The following GRM1 variants were observed in gnomAD, a reference collection of about 807,000 sequenced individuals.
The protein encoded by GRM1 is glutamate metabotropic receptor 1, also known as metabotropic glutamate receptor 1.
A neutral mutation model predicts 90.9 loss-of-function variants in GRM1; 33 were observed. That is an observed-to-expected ratio of 0.36 (90% confidence interval 0.28 to 0.49). The LOEUF (loss-of-function observed/expected upper bound fraction) is 0.49. Among genes scored for constraint, GRM1 ranks in the 20% least tolerant of loss-of-function variants. The probability of loss-of-function intolerance (pLI) is 0.99; values close to 1 mark genes in which losing one functional copy is unlikely to be tolerated. For missense variants in GRM1, 1,190 were observed against 1,534.3 expected (o/e 0.78, Z 3.75); for synonymous variants, 700 against 613.2 (o/e 1.14, Z -2.09).
chr6:146,382,535 A>G (rs888131086), intron 5 of GRM1, among the ~76,000 whole-genome samples: 4 of 152,104 alleles, frequency 2.6e-5, no homozygotes, highest in African/African-American at 9.7e-5. Context: ...AAGTAGTGAC[A>G]TGGAGGGTTT....
chr6:146,229,220 G>A (rs1780361872), intron 2 of GRM1, among the ~76,000 whole-genome samples: 1 of 151,646 alleles, frequency 6.6e-6, no homozygotes. Context: ...CCGACCTCAG[G>A]TGATCCGCCT....
chr6:146,155,627 G>A (rs1264208816), intron 1 of GRM1, among the ~76,000 whole-genome samples: 7 of 152,166 alleles, frequency 4.6e-5, no homozygotes, highest in Admixed American at 3.9e-4. Flanking sequence ...TTTCTTTCAT[G>A]ATATGACTGA....
At chr6:146,140,129 C>CTT (rs1562488191) in intron 1 of GRM1, among the ~76,000 whole-genome samples, 2 of 121,410 alleles carry the variant, frequency 1.6e-5, no homozygotes, top group Non-Finnish European at 3.5e-5. Flanking sequence ...TTCTTTCTTT[C>CTT]TTTCTTTCTT....
At chr6:146,421,343 C>G (rs919524243) in intron 7 of GRM1, among the ~76,000 whole-genome samples, 19 of 151,952 alleles carry the variant, frequency 1.3e-4, no homozygotes, top group African/African-American at 4.4e-4. Context: ...GAGTTATACT[C>G]TAGCTATACA....
At chr6:146,057,926 A>T (rs1376577031) in intron 1 of GRM1, among the ~76,000 whole-genome samples, 1 of 152,024 alleles carries the variant, frequency 6.6e-6, no homozygotes, top group Non-Finnish European at 1.5e-5. Flanking sequence ...TTACATGAGT[A>T]AATTATTTAG....
chr6:146,215,929 T>G (rs1366357267), intron 2 of GRM1, among the ~76,000 whole-genome samples: 1 of 152,132 alleles, frequency 6.6e-6, no homozygotes, highest in African/African-American at 2.4e-5. Context: ...GCTAATTTTT[T>G]TGTATTTTTA....
intron 1 of GRM1, among the ~76,000 whole-genome samples, chr6:146,035,386 G>A (rs989445564): frequency 7.9e-5 from 12 of 152,004 alleles, no homozygotes; most frequent in African/African-American, 2.7e-4. Context: ...TTGGTGAGTG[G>A]ACGAAAGAAA....
chr6:146,130,092 T>C (rs1400105651), intron 1 of GRM1, among the ~76,000 whole-genome samples: 2 of 152,084 alleles, frequency 1.3e-5, no homozygotes, highest in Non-Finnish European at 2.9e-5. Context: ...ATTAGTGTAA[T>C]TGGAAGTCAT....
chr6:146,420,035 C>T lies in GRM1; in HGVS notation c.2661-13837C>T, dbSNP rs73785362. ...GAAATGAAAGGCCAGAGAGGCTTCA[C>T]CACAGGTCCAGCTTCTCCCTCAACA... On this transcript the variant is annotated intron_variant, in intron 7 of 7. Coordinates refer to ENST00000282753, the MANE Select transcript of GRM1 (RefSeq NM_001278064.2). Among the ~76,000 whole-genome samples the T allele has an allele frequency of 2.4e-3, 361 of 152,302 alleles. 2 individuals carry two copies. Among genetic ancestry groups the T allele is most frequent in the African/African-American group, 8.0e-3 (331 of 41,568 alleles).
chr6:146,380,265 T>G (rs191600144), intron 5 of GRM1, among the ~76,000 whole-genome samples: 1 of 152,180 alleles, frequency 6.6e-6, no homozygotes, highest in Non-Finnish European at 1.5e-5. Context: ...GTCAAAAAAC[T>G]TAGAAGTCTG....
chr6:146,118,360 G>A (rs1403644365), intron 1 of GRM1, among the ~76,000 whole-genome samples: 1 of 151,920 alleles, frequency 6.6e-6, no homozygotes, highest in African/African-American at 2.4e-5. Context: ...AGGATGGCCT[G>A]GATCTCCTGA....
At chr6:146,341,615 A>G (rs1784984536) in intron 3 of GRM1, among the ~76,000 whole-genome samples, 1 of 152,220 alleles carries the variant, frequency 6.6e-6, no homozygotes, top group Admixed American at 6.5e-5. Flanking sequence ...CCGAAAAGGG[A>G]ATAACACATG....
At chr6:146,336,816 CT>C (rs1784785989) in intron 3 of GRM1, among the ~76,000 whole-genome samples, 4 of 152,194 alleles carry the variant, frequency 2.6e-5, no homozygotes, top group African/African-American at 7.2e-5. Context: ...GCCTGAGTCC[CT>C]GTCTTGGTAG....
chr6:146,404,672 T>C (rs1777274715), intron 7 of GRM1, among the ~76,000 whole-genome samples: 1 of 152,230 alleles, frequency 6.6e-6, no homozygotes, highest in Admixed American at 6.5e-5. Flanking sequence ...TAGAGTTTGT[T>C]ATGCATGAAG....
intron 1 of GRM1, among the ~76,000 whole-genome samples, chr6:146,101,767 A>T (rs911588858): frequency 2.0e-5 from 3 of 150,756 alleles, no homozygotes. Flanking sequence ...TATTATTATG[A>T]CTATACTTAT....
chr6:146,418,000 A>T (rs1469952553), intron 7 of GRM1, among the ~76,000 whole-genome samples: 1 of 152,174 alleles, frequency 6.6e-6, no homozygotes. Flanking sequence ...CTCATTAGAA[A>T]AGATGCCTAT....
intron 1 of GRM1, among the ~76,000 whole-genome samples, chr6:146,048,732 A>T (rs1791421756): frequency 6.6e-6 from 1 of 152,130 alleles, no homozygotes; most frequent in East Asian, 1.9e-4. Context: ...CGCACACAGG[A>T]AGAACACAAT....
intron 2 of GRM1, among the ~76,000 whole-genome samples, chr6:146,184,006 C>G (rs1285970104): frequency 6.6e-6 from 1 of 152,166 alleles, no homozygotes; most frequent in African/African-American, 2.4e-5. Flanking sequence ...CTCCTCCCCA[C>G]TGAGAACCCT....
chr6:146,130,308 A>G (rs1776352309), intron 1 of GRM1, among the ~76,000 whole-genome samples: 1 of 143,772 alleles, frequency 7.0e-6, no homozygotes. Context: ...AATTTTGTGA[A>G]GAATTTTATC....
Sources: allele counts gnomAD v4.1 joint callset (sites outside exome capture counted in the v4.1 genomes callset), GRCh38; gene constraint gnomAD v4.1.1; transcripts MANE v1.5; gene names NCBI Gene and HGNC (gene_info 2026-07-23, HGNC 2026-07-21).